The following CACTIN variants were observed in gnomAD, a reference collection of about 807,000 sequenced individuals.
CACTIN encodes the protein splicing factor Cactin.
In CACTIN, 20 loss-of-function variants were observed where a neutral mutation model predicts 84.9. That is an observed-to-expected ratio of 0.24 (90% CI 0.17 to 0.34). CACTIN has a LOEUF of 0.34. CACTIN is among the 10% of genes least tolerant of loss of function. The pLI, the probability that CACTIN is intolerant of heterozygous loss-of-function variation, is 1.00. For synonymous variants in CACTIN, 549 were observed against 467.9 expected (o/e 1.17, Z -2.24); for missense variants, 897 against 1,117.2 (o/e 0.80, Z 2.81).
intron 9 of CACTIN, 145 bp downstream of exon 9, chr19:3,612,913 G>C: frequency 1.0e-6 from 1 of 1,001,140 alleles, no homozygotes; most frequent in African/African-American, 1.6e-5. Context: ...GCAGGTGACG[G>C]AATGCACGCT....
intron 1 of CACTIN, among the ~76,000 whole-genome samples, chr19:3,624,635 A>C (rs1265389388): frequency 1.3e-5 from 2 of 152,020 alleles, no homozygotes; most frequent in African/African-American, 4.8e-5. Flanking sequence ...GAGAGGGAGG[A>C]GGCGCGGGCA....
rs545566825 is a variant in CACTIN, at chr19:3,610,697, C to A, written c.*1226G>T. 18 of 456,344 alleles carry A rather than the reference C, an allele frequency of 3.9e-5. No individual in the cohort carries two copies. Among genetic ancestry groups the A allele is most frequent in the Middle Eastern group, 6.5e-4 (2 of 3,094 alleles). The allele number at this position is 456,344 out of a possible 1,614,324, so 28.3% of individuals were successfully genotyped here. A position where few individuals can be genotyped will look rare whatever the true frequency, so the allele number is the denominator to read the frequency against. The stretch of plus-strand genomic sequence containing the variant: ...AAAACATGCGATCTTGCCAATAGGC[C>A]AATTCCATGAGAACAAAAGATTTTT... On this transcript the variant is annotated 3_prime_UTR_variant, in exon 10 of 10. Transcript: ENST00000429344.
At chr19:3,614,208 GGGACTACGCGCCCCCC>G (rs146074848) in intron 7 of CACTIN, among the ~76,000 whole-genome samples, 173 bp downstream of exon 7, 5,327 of 152,142 alleles carry the variant, frequency 0.035, 172 homozygotes, top group African/African-American at 0.091. Context: ...GCTAGGGCAC[GGGACTACGCGCCCCCC>G]GGCCCCCCTT....
intron 4 of CACTIN, 75 bp from the exon 5 acceptor site, chr19:3,619,317 A>G (rs941297395): frequency 7.2e-6 from 11 of 1,530,392 alleles, no homozygotes; most frequent in Non-Finnish European, 8.8e-6. Flanking sequence ...CCTTGGGGTG[A>G]CCACACCAGT....
intron 7 of CACTIN, 120 bp downstream of exon 7, chr19:3,614,277 C>T (rs2033054063): frequency 1.9e-6 from 2 of 1,049,144 alleles, no homozygotes; most frequent in South Asian, 1.5e-5. Flanking sequence ...ACTTTCCTGC[C>T]CCTCTCCACC....
chr19:3,623,837 C>T lies in CACTIN; in HGVS notation c.493G>A (p.Glu165Lys). 6.2e-7 allele frequency: 1 copy of T among 1,612,680 alleles called. No individual in the cohort carries two copies. The highest frequency in any genetic ancestry group is 8.5e-7 in the Non-Finnish European group (1 of 1,179,886). Residue 165 changes from glutamate (E) to lysine (K), a missense_variant, in exon 2 of 10, where the codon GAG becomes AAG. Transcript: ENST00000429344. Reference protein sequence around the residue: ...ELMKAFETPEEKRARRLAKKE... With the variant: ...ELMKAFETPEKKRARRLAKKE... Reference sequence around the variant, plus strand: ...TTGGCCAGCCGCCGTGCGCGCTTCTCCTCGGGCGTCTCGAAGGCCTTCATC... The same window carrying T: ...TTGGCCAGCCGCCGTGCGCGCTTCTTCTCGGGCGTCTCGAAGGCCTTCATC...
chr19:3,611,772 A>G lies in CACTIN; in HGVS notation c.*151T>C. On this transcript the variant is annotated 3_prime_UTR_variant, in exon 10 of 10. Transcript: ENST00000429344. ...TGACCCCCCTTTTATATAGGAGGAA[A>G]CTGAGGCCTGGCGAAAGAAAGATGC... The G allele has an allele frequency of 3.0e-6, 3 of 1,004,446 alleles. No individual in the cohort carries two copies. 62.2% of individuals were successfully genotyped at this position (1,004,446 alleles called of 1,614,324 possible).
rs1412832894 is a variant in CACTIN at position 3,615,204 on chromosome 19, T to C, written c.1163-615A>G. 1.2e-5 allele frequency: 2 copies of C among 160,562 alleles called. No individual in the cohort carries two copies. Among genetic ancestry groups the C allele is most frequent in the Non-Finnish European group, 2.8e-5 (2 of 72,630 alleles). 9.9% of individuals were successfully genotyped at this position (160,562 alleles called of 1,614,324 possible). A position where few individuals can be genotyped will look rare whatever the true frequency, so the allele number is the denominator to read the frequency against. On this transcript the variant is annotated intron_variant, in intron 6 of 9. Transcript: ENST00000429344. This position sits in a 1 kb window ranked among gnomAD's most constrained non-coding sequence, Gnocchi z 5.2. The stretch of plus-strand genomic sequence containing the variant: ...CGCCCCCCATCCTACATGGAGTCTG[T>C]CTGGCATCTACCACTGGCCCAGGGG...
chr19:3,614,681 C>A, intron 6 of CACTIN, 92 bp from the exon 7 acceptor site: 4 of 1,001,078 alleles, frequency 4.0e-6, no homozygotes, highest in South Asian at 1.4e-5. Context: ...ATGGGGGGGT[C>A]CCCCTCCCCT....
chr19:3,620,067 A>G (rs1009737685), intron 4 of CACTIN, 60 bp downstream of exon 4: 23 of 1,588,282 alleles, frequency 1.4e-5, no homozygotes, highest in Non-Finnish European at 1.6e-5. Context: ...CCAGAGTGAC[A>G]GCCAGTGCCC....
chr19:3,626,491 C>T lies in CACTIN; in HGVS notation c.167+105G>A, dbSNP rs879673829. ...TGTCCCCTTCTCTAGGAAGCCCTCC[C>T]CGAGTAAGTCGGGGGTTTCCCGGTT... On this transcript the variant is annotated intron_variant, in intron 1 of 9. Transcript: ENST00000429344. 1.4e-5 allele frequency: 17 copies of T among 1,181,380 alleles called. No individual in the cohort carries two copies. In the Admixed American group the frequency reaches 6.3e-4, roughly 44 times the overall value. 73.2% of individuals were successfully genotyped at this position (1,181,380 alleles called of 1,614,324 possible).
Position 3,612,308 on chromosome 19 carries a change from G to A in CACTIN, c.1892C>T (p.Ala631Val), listed in dbSNP as rs770474199. 35 of 1,612,756 alleles carry A rather than the reference G, an allele frequency of 2.2e-5. No individual in the cohort carries two copies. Among genetic ancestry groups the A allele is most frequent in the African/African-American group, 2.7e-5 (2 of 74,960 alleles). ...FSVEMPLTGK[A>V]YLWADKYRPR... ...CCGGTACTTGTCGGCCCACAGGTAG[G>A]CCTTGCCGGTGAGTGGCATCTCCAC... The change falls in exon 10 of 10, where the codon GCC becomes GTC. Residue 631 changes from alanine to valine, a missense_variant. By Grantham distance (64) the Ala-to-Val change is moderately conservative. Coordinates refer to ENST00000429344, the MANE Select transcript of CACTIN (RefSeq NM_001080543.2).
chr19:3,612,912 G>GGAAC (rs1386260257), intron 9 of CACTIN, 146 bp downstream of exon 9: 4 of 994,188 alleles, frequency 4.0e-6, no homozygotes, highest in African/African-American at 1.6e-5. Flanking sequence ...TGCAGGTGAC[G>GGAAC]GAATGCACGC....
At chr19:3,620,841 G>C in intron 2 of CACTIN, 39 bp from the exon 3 acceptor site, 1 of 1,503,716 alleles carries the variant, frequency 6.7e-7, no homozygotes, top group Non-Finnish European at 9.2e-7. Context: ...GCACAGACCC[G>C]CCCCCTCGCC....
rs750178298 is a variant in CACTIN at position 3,619,197 on chromosome 19, C to T, written c.930G>A (p.Leu310=). Residue 310 remains leucine (L), a synonymous_variant, in exon 5 of 10, where the codon CTG becomes CTA. Transcript: ENST00000429344. ...CCTCAGCGCTGATGTACTTGGCCAG[C>T]AGGTCGATGGGCTTGGCCCGCCCGT... is the stretch of plus-strand genomic sequence containing the variant. ...IRDGRAKPID[L]LAKYISAEDD... is the part of the protein sequence containing the mutation. 25 of 1,613,608 alleles carry T rather than the reference C, an allele frequency of 1.5e-5. No individual in the cohort carries two copies. The highest frequency in any genetic ancestry group is 1.7e-4 in the Middle Eastern group (1 of 6,060).
chr19:3,618,477 A>AGAG (rs2033153611), intron 6 of CACTIN, among the ~76,000 whole-genome samples: 1 of 152,208 alleles, frequency 6.6e-6, no homozygotes, highest in Admixed American at 6.5e-5. Flanking sequence ...GCACGAACTG[A>AGAG]CGCACGGGAC....
At chr19:3,618,139 C>T (rs561317982) in intron 6 of CACTIN, among the ~76,000 whole-genome samples, 11 of 85,422 alleles carry the variant, frequency 1.3e-4, no homozygotes, top group African/African-American at 5.3e-5. Flanking sequence ...TGGATTTTGG[C>T]GGGGAGGGGG....
chr19:3,613,064 C>G lies in CACTIN; in HGVS notation c.1780G>C (p.Val594Leu), dbSNP rs902014712. The G allele has an allele frequency of 6.4e-7, 1 of 1,550,844 alleles. No homozygotes were observed. The highest frequency in any genetic ancestry group is 1.4e-5 in the African/African-American group (1 of 73,676). Residue 594 changes from valine to leucine, a missense_variant, in exon 9 of 10, where the codon GTC becomes CTC. By Grantham distance (32) the Val-to-Leu change is conservative (BLOSUM62 1). Transcript: ENST00000429344. Reference sequence around the variant, plus strand: ...CCTCCAGCCCCGCCCTTACCCGTGACCTGGAGCTGCTGGCGCGAGAGCTGC... The same window carrying G: ...CCTCCAGCCCCGCCCTTACCCGTGAGCTGGAGCTGCTGGCGCGAGAGCTGC... ...RLQLSRQQLQVTGDASESAED... is the reference protein window; with the variant it reads ...RLQLSRQQLQLTGDASESAED...
chr19:3,623,460 T>C (rs1009076942), intron 2 of CACTIN, among the ~76,000 whole-genome samples: 1 of 147,056 alleles, frequency 6.8e-6, no homozygotes, highest in Admixed American at 6.8e-5. Context: ...ACCCGGGAGG[T>C]GGAGCTTGCA....
Sources: gnomAD v4.1 joint callset for allele counts (sites outside exome capture counted in the v4.1 genomes callset) on GRCh38, gnomAD v4.1.1 for gene constraint, Gnocchi (gnomAD v3.1) non-coding constraint, MANE v1.5 for transcripts, NCBI Gene and HGNC (gene_info 2026-07-23, HGNC 2026-07-21) for gene names.